The following LINGO2 variants were observed in gnomAD, a reference collection of about 807,000 sequenced individuals.
LINGO2 encodes the protein leucine-rich repeat and immunoglobulin-like domain-containing nogo receptor-interacting protein 2.
LINGO2 carries 14 observed loss-of-function variants against 30.6 expected under a neutral mutation model. The ratio of observed to expected loss-of-function variants is 0.46; its 90% confidence interval spans 0.30 to 0.72. LINGO2 has a LOEUF of 0.72. Among genes scored for constraint, LINGO2 ranks in the 30% least tolerant of loss-of-function variants. The pLI, the probability that LINGO2 is intolerant of heterozygous loss-of-function variation, is 0.07. For synonymous variants in LINGO2, 317 were observed against 288.5 expected, an observed-to-expected ratio of 1.10 and a Z score of -1.00; for missense variants, 729 against 751.7, an observed-to-expected ratio of 0.97 and a Z score of 0.35.
intron 4 of LINGO2, among the ~76,000 whole-genome samples, chr9:28,257,273 C>T (rs1180222378): frequency 6.6e-6 from 1 of 151,854 alleles, no homozygotes; most frequent in Non-Finnish European, 1.5e-5. Flanking sequence ...TAGTATAAAA[C>T]ATGTTTAAAG....
At chr9:28,058,146 G>A (rs150946377) in intron 4 of LINGO2, among the ~76,000 whole-genome samples, 1 of 152,192 alleles carries the variant, frequency 6.6e-6, no homozygotes, top group African/African-American at 2.4e-5. Flanking sequence ...AATAATTCCA[G>A]CTGCTAGTTG....
intron 1 of LINGO2, among the ~76,000 whole-genome samples, chr9:28,478,296 T>C (rs1587727070): frequency 6.6e-6 from 1 of 152,170 alleles, no homozygotes; most frequent in Non-Finnish European, 1.5e-5. Flanking sequence ...TGAATCATTC[T>C]ACTAAAATAT....
the LINGO2 span, among the ~76,000 whole-genome samples, chr9:28,760,754 T>C: frequency 2.4e-4 from 37 of 151,934 alleles, no homozygotes; most frequent in Middle Eastern, 0.017. Context: ...ACACACAATG[T>C]TTGGTTTTCC....
At chr9:28,580,548 T>A in intron 1 of LINGO2, among the ~76,000 whole-genome samples, 1 of 124,584 alleles carries the variant, frequency 8.0e-6, no homozygotes, top group Admixed American at 7.7e-5. Context: ...GACCACTTGC[T>A]GTTTTTGGTA....
At chr9:28,381,790 C>G (rs57088648) in intron 2 of LINGO2, among the ~76,000 whole-genome samples, 1 of 152,054 alleles carries the variant, frequency 6.6e-6, no homozygotes, top group African/African-American at 2.4e-5. Flanking sequence ...TCATTTATGT[C>G]GCACTTCTAA....
intron 2 of LINGO2, among the ~76,000 whole-genome samples, chr9:28,392,455 G>C (rs1821877619): frequency 6.6e-6 from 1 of 152,178 alleles, no homozygotes; most frequent in South Asian, 2.1e-4. Context: ...ACATTAGTGA[G>C]TAGAAATCAT....
At chr9:28,791,512 C>A in the LINGO2 span, among the ~76,000 whole-genome samples, 112 of 152,082 alleles carry the variant, frequency 7.4e-4, no homozygotes, top group African/African-American at 2.6e-3. Flanking sequence ...CCATGGTTTT[C>A]TTTTACTCAA....
intron 4 of LINGO2, among the ~76,000 whole-genome samples, chr9:28,224,257 G>A (rs530570112): frequency 6.6e-6 from 1 of 152,118 alleles, no homozygotes; most frequent in Non-Finnish European, 1.5e-5. Context: ...GTAGAGACGG[G>A]GTTTCACCGT....
chr9:28,581,395 T>C (rs1164585915), intron 1 of LINGO2, among the ~76,000 whole-genome samples: 1 of 151,832 alleles, frequency 6.6e-6, no homozygotes, highest in African/African-American at 2.4e-5. Context: ...GTTTCAGCTT[T>C]TTCTAAGTGT....
chr9:28,482,962 T>C (rs1826035118), intron 1 of LINGO2, among the ~76,000 whole-genome samples: 1 of 152,094 alleles, frequency 6.6e-6, no homozygotes, highest in Non-Finnish European at 1.5e-5. Flanking sequence ...TTTTTCTACC[T>C]AGCCCATGTT....
chr9:28,665,978 C>T (rs1012196728), intron 1 of LINGO2, among the ~76,000 whole-genome samples: 21 of 151,152 alleles, frequency 1.4e-4, no homozygotes, highest in African/African-American at 2.7e-4. Context: ...CTGCAACCTC[C>T]GCCTCTGGGT....
At chr9:29,050,387 C>T in the LINGO2 span, among the ~76,000 whole-genome samples, 55 of 152,210 alleles carry the variant, frequency 3.6e-4, no homozygotes, top group South Asian at 2.7e-3. Flanking sequence ...TAAATATACA[C>T]GTCTGCTATG....
At chr9:28,825,855 T>G in the LINGO2 span, among the ~76,000 whole-genome samples, 1 of 152,186 alleles carries the variant, frequency 6.6e-6, no homozygotes, top group Non-Finnish European at 1.5e-5. Context: ...AGCTGTTATC[T>G]TGGAGCCATC....
At chr9:28,872,880 C>G in the LINGO2 span, among the ~76,000 whole-genome samples, 1 of 152,000 alleles carries the variant, frequency 6.6e-6, no homozygotes, top group Non-Finnish European at 1.5e-5. Context: ...CTGGAAAAAT[C>G]GTTGAGCAAT....
chr9:28,876,121 T>G, the LINGO2 span, among the ~76,000 whole-genome samples: 1 of 152,132 alleles, frequency 6.6e-6, no homozygotes, highest in Non-Finnish European at 1.5e-5. Context: ...TCAGTGGCAT[T>G]GCTACTCTTC....
the LINGO2 span, among the ~76,000 whole-genome samples, chr9:29,155,217 C>T: frequency 2.6e-5 from 4 of 152,058 alleles, no homozygotes; most frequent in Non-Finnish European, 5.9e-5. Flanking sequence ...TTGCTCTTTT[C>T]TTGGCACAAA....
chr9:27,979,739 G>T (rs1371571089), intron 5 of LINGO2, among the ~76,000 whole-genome samples: 3 of 151,866 alleles, frequency 2.0e-5, no homozygotes, highest in Admixed American at 2.0e-4. Context: ...GGGATCCTTT[G>T]ATATCAATGC....
chr9:28,943,809 G>A, the LINGO2 span, among the ~76,000 whole-genome samples: 5 of 152,272 alleles, frequency 3.3e-5, no homozygotes, highest in African/African-American at 1.2e-4. Context: ...GAGATGAGAT[G>A]CTTCTATAGG....
intron 3 of LINGO2, among the ~76,000 whole-genome samples, chr9:28,318,369 T>C (rs1824919767): frequency 6.6e-6 from 1 of 152,222 alleles, no homozygotes; most frequent in South Asian, 2.1e-4. Flanking sequence ...GCATATATTA[T>C]ATTGTATAAT....
Sources: gnomAD v4.1 joint callset for allele counts (sites outside exome capture counted in the v4.1 genomes callset) on GRCh38, gnomAD v4.1.1 for gene constraint, MANE v1.5 for transcripts, NCBI Gene and HGNC (gene_info 2026-07-23, HGNC 2026-07-21) for gene names.